PLCB4: variants seen among roughly 807,000 people sequenced by gnomAD.
PLCB4 encodes the protein 1-phosphatidylinositol 4,5-bisphosphate phosphodiesterase beta-4.
In PLCB4, 77 loss-of-function variants were observed where a neutral mutation model predicts 178.8. That is an observed-to-expected ratio of 0.43 (90% CI 0.36 to 0.52). The LOEUF is 0.52. Ranked by LOEUF, PLCB4 falls within the 20% of genes least tolerant of loss-of-function variation. The pLI is 0.00. For synonymous variants in PLCB4, 496 were observed against 490.8 expected (o/e 1.01, Z -0.14); for missense variants, 1,024 against 1,453.4 (o/e 0.70, Z 4.80).
At chr20:9,397,460 C>T (rs1012643131) in intron 19 of PLCB4, among the ~76,000 whole-genome samples, 7 of 152,198 alleles carry the variant, frequency 4.6e-5, no homozygotes, top group African/African-American at 7.2e-5. Context: ...AATGTTCTTT[C>T]TTAATAGCAT....
chr20:9,271,907 G>A (rs1385547654), intron 3 of PLCB4, among the ~76,000 whole-genome samples: 1 of 151,770 alleles, frequency 6.6e-6, no homozygotes, highest in Non-Finnish European at 1.5e-5. Flanking sequence ...CTGGGTGTGG[G>A]GGCTCACACC....
chr20:9,435,785 T>C (rs1401733365), intron 29 of PLCB4, 137 bp downstream of exon 29: 11 of 545,882 alleles, frequency 2.0e-5, no homozygotes, highest in South Asian at 1.8e-4. Flanking sequence ...AATTCAACAA[T>C]AGTTAACTTT....
chr20:9,170,026 T>C (rs774393594), intron 2 of PLCB4, among the ~76,000 whole-genome samples: 5 of 152,230 alleles, frequency 3.3e-5, no homozygotes, highest in Non-Finnish European at 7.3e-5. Flanking sequence ...CACACATCCT[T>C]ACTTGTACAT....
At chr20:9,274,439 G>A (rs995358530) in intron 3 of PLCB4, among the ~76,000 whole-genome samples, 2 of 151,994 alleles carry the variant, frequency 1.3e-5, no homozygotes, top group African/African-American at 4.8e-5. Flanking sequence ...GTATCTTAAT[G>A]GGCACCATAC....
intron 23 of PLCB4, 104 bp downstream of exon 23, chr20:9,408,821 A>G (rs1202122459): frequency 1.4e-6 from 1 of 723,826 alleles, no homozygotes; most frequent in East Asian, 2.6e-5. Context: ...GGTGGAGTTC[A>G]TAAAATGATA....
intron 1 of PLCB4, among the ~76,000 whole-genome samples, chr20:9,075,634 G>A (rs2089822923): frequency 6.6e-6 from 1 of 152,206 alleles, no homozygotes; most frequent in Admixed American, 6.5e-5. Context: ...GAGGCCTTAG[G>A]GAGTGGTGAG....
intron 2 of PLCB4, among the ~76,000 whole-genome samples, chr20:9,100,726 A>G (rs181845783): frequency 3.1e-4 from 47 of 152,184 alleles, no homozygotes; most frequent in Admixed American, 1.8e-3. Context: ...TCTGATTCCT[A>G]CTTGGCTAGG....
At chr20:9,465,634 C>G (rs962794042) in intron 35 of PLCB4, among the ~76,000 whole-genome samples, 1 of 152,202 alleles carries the variant, frequency 6.6e-6, no homozygotes, top group Non-Finnish European at 1.5e-5. Flanking sequence ...TTCCTATACA[C>G]CAATGACAGA....
intron 2 of PLCB4, among the ~76,000 whole-genome samples, chr20:9,156,877 C>CTTCT (rs1170757028): frequency 7.4e-6 from 1 of 134,544 alleles, no homozygotes; most frequent in East Asian, 2.6e-4. Context: ...TCCTTCCTTC[C>CTTCT]TTCTTTCCCT....
At chr20:9,167,864 A>G (rs551531890) in intron 2 of PLCB4, among the ~76,000 whole-genome samples, 5 of 152,352 alleles carry the variant, frequency 3.3e-5, no homozygotes, top group South Asian at 2.1e-4. Context: ...ATGACTAGCC[A>G]CAGATATTTG....
chr20:9,213,598 A>G (rs1460220114), intron 2 of PLCB4, among the ~76,000 whole-genome samples: 1 of 152,222 alleles, frequency 6.6e-6, no homozygotes, highest in Non-Finnish European at 1.5e-5. Flanking sequence ...CAATTGGGCT[A>G]TTATGAATAA....
At position 9,357,868 on chromosome 20, in the gene PLCB4, A is replaced by G. The variant is rs199905578; in HGVS notation, c.370-5028A>G. Among the ~76,000 whole-genome samples the G allele has an allele frequency of 1.7e-4, 26 of 152,322 alleles. No homozygotes were observed. In the East Asian group the frequency reaches 5.0e-3, roughly 29 times the overall value. ...AAACAAAGACAAAAACCAAACTCAC[A>G]TCTTATATGGGCAGTGGAAGGAGAA... On this transcript the variant is annotated intron_variant, in intron 7 of 39. Coordinates refer to ENST00000378473, the MANE Select transcript of PLCB4 (RefSeq NM_001377142.1).
chr20:9,247,807 G>C (rs377631842), intron 3 of PLCB4, among the ~76,000 whole-genome samples: 1 of 152,216 alleles, frequency 6.6e-6, no homozygotes, highest in East Asian at 1.9e-4. Flanking sequence ...TCCACTCTTG[G>C]GCATTGCACT....
intron 25 of PLCB4, among the ~76,000 whole-genome samples, chr20:9,416,483 C>A (rs3787307): frequency 0.15 from 23,510 of 152,106 alleles, 3,028 homozygotes; most frequent in African/African-American, 0.34. Context: ...GAAAGCCAGA[C>A]CCACCATTGT....
intron 2 of PLCB4, among the ~76,000 whole-genome samples, chr20:9,214,592 C>CACAG (rs3220627): frequency 1.3e-5 from 2 of 151,652 alleles, no homozygotes; most frequent in Admixed American, 6.6e-5. Flanking sequence ...CACACACACA[C>CACAG]AGCCTCTGTC....
chr20:9,415,945 G>A (rs1376321480), intron 25 of PLCB4, among the ~76,000 whole-genome samples: 2 of 152,136 alleles, frequency 1.3e-5, no homozygotes, highest in South Asian at 2.1e-4. Flanking sequence ...AACCTCTGCT[G>A]CTCTCTCAGA....
At chr20:9,116,517 C>T (rs2091784198) in intron 2 of PLCB4, among the ~76,000 whole-genome samples, 1 of 152,136 alleles carries the variant, frequency 6.6e-6, no homozygotes. Context: ...AGAGCTAAGA[C>T]TAGGATGAGG....
In PLCB4 at chr20:9,409,054, C is replaced by T. The variant is rs1164290595; in HGVS notation, c.1875-3C>T. ...TTTTTCTGTTTTCCTTAATAAGTTA[C>T]AGTTATAACAAACGGCAAATGAGTC... is the stretch of plus-strand genomic sequence containing the variant. On this transcript the variant is annotated splice_polypyrimidine_tract_variant and splice_region_variant and intron_variant, in intron 23 of 39. Transcript: ENST00000378473. 5.6e-6 allele frequency: 9 copies of T among 1,608,504 alleles called. No individual in the cohort carries two copies. In the East Asian group the frequency reaches 2.0e-4, roughly 36 times the overall value.
intron 2 of PLCB4, among the ~76,000 whole-genome samples, chr20:9,131,414 A>G (rs188705092): frequency 6.6e-6 from 1 of 152,142 alleles, no homozygotes; most frequent in Non-Finnish European, 1.5e-5. Context: ...CAGTAATAAG[A>G]TATTATTGGA....
Sources: allele counts gnomAD v4.1 joint callset (sites outside exome capture counted in the v4.1 genomes callset), GRCh38; gene constraint gnomAD v4.1.1; transcripts MANE v1.5; gene names NCBI Gene and HGNC (gene_info 2026-07-23, HGNC 2026-07-21).